MAP3K14: variants seen among roughly 807,000 people sequenced by gnomAD.
MAP3K14 encodes the protein NF-kappa-beta-inducing kinase.
MAP3K14 carries 16 observed loss-of-function variants against 99.2 expected under a neutral mutation model. The ratio of observed to expected loss-of-function variants is 0.16; its 90% CI spans 0.11 to 0.24. MAP3K14 has a LOEUF of 0.24. Among genes scored for constraint, MAP3K14 ranks in the 10% least tolerant of loss-of-function variants. MAP3K14 has a pLI of 1.00. For missense variants in MAP3K14, 784 were observed against 1,208.7 expected (o/e 0.65, Z 5.21); for synonymous variants, 462 against 492.4 (o/e 0.94, Z 0.82).
At chr17:45,297,275 C>T (rs1056599350) in intron 1 of MAP3K14, among the ~76,000 whole-genome samples, 1 of 152,176 alleles carries the variant, frequency 6.6e-6, no homozygotes, top group African/African-American at 2.4e-5. Context: ...AGTATTACTA[C>T]CCATGTGGAT....
chr17:45,311,365 C>A (rs2044477273), intron 1 of MAP3K14, among the ~76,000 whole-genome samples: 1 of 152,182 alleles, frequency 6.6e-6, no homozygotes, highest in South Asian at 2.1e-4. Flanking sequence ...GCAAGAGCTG[C>A]AGCTTCATTA....
At chr17:45,294,029 C>T (rs1054620717) in intron 1 of MAP3K14, among the ~76,000 whole-genome samples, 3 of 152,268 alleles carry the variant, frequency 2.0e-5, no homozygotes, top group Admixed American at 2.0e-4. Context: ...GCCCCTTCTC[C>T]CTCCTGCAGC....
At chr17:45,289,902 C>T (rs556545198) in intron 2 of MAP3K14, among the ~76,000 whole-genome samples, 33 of 152,286 alleles carry the variant, frequency 2.2e-4, no homozygotes, top group African/African-American at 7.2e-4. Flanking sequence ...AGAGGACTCC[C>T]GGCCCTACCC....
chr17:45,266,505 G>C (rs770783454), intron 14 of MAP3K14, 32 bp downstream of exon 14: 3 of 1,580,022 alleles, frequency 1.9e-6, no homozygotes, highest in African/African-American at 1.3e-5. Context: ...GCTGCCACGG[G>C]GACTGCTGAG....
At chr17:45,299,184 G>A (rs536735560) in intron 1 of MAP3K14, among the ~76,000 whole-genome samples, 9 of 152,200 alleles carry the variant, frequency 5.9e-5, no homozygotes, top group Admixed American at 2.6e-4. Context: ...TCAGATGAGT[G>A]AGCGGGGTAT....
chr17:45,274,486 G>A lies in MAP3K14; in HGVS notation c.1398C>T (p.Asn466=), dbSNP rs748710020. 6.2e-7 allele frequency: 1 copy of A among 1,613,964 alleles called. No homozygotes were observed. The highest frequency in any genetic ancestry group is 8.5e-7 in the Non-Finnish European group (1 of 1,179,876). ...TACCTTCCAGCAGCTCCATGAAGAT[G>A]TTGACCCAAGGCCCTTCTCTCACAG... is the stretch of plus-strand genomic sequence containing the variant. ...YGAVREGPWV[N]IFMELLEGGS... The change falls in exon 7 of 16, where the codon AAC becomes AAT. Residue 466 remains asparagine, a synonymous_variant. Transcript: ENST00000344686.
At chr17:45,269,505 G>C (rs1220638784) in intron 11 of MAP3K14, among the ~76,000 whole-genome samples, 1 of 152,216 alleles carries the variant, frequency 6.6e-6, no homozygotes, top group Non-Finnish European at 1.5e-5. Context: ...CCCCTAGGTA[G>C]CTTCAAGATG....
Position 45,267,533 on chromosome 17 carries a change from G to A in MAP3K14, c.2199C>T (p.Ser733=). Residue 733 remains serine, a synonymous_variant, in exon 12 of 16, where the codon AGC becomes AGT. Coordinates refer to ENST00000344686, the MANE Select transcript of MAP3K14 (RefSeq NM_003954.5). This position sits in a 1 kb window ranked among gnomAD's most constrained non-coding sequence, Gnocchi z 5.1. ...GTTCCCACATCCCAGACTCCTCCTTGCTCAAAGTCAAGGGAGGAGACTTGT... is the reference window on the plus strand; with the variant it reads ...GTTCCCACATCCCAGACTCCTCCTTACTCAAAGTCAAGGGAGGAGACTTGT... ...EPNKSPPLTL[S]KEESGMWEPL... is the part of the protein sequence containing the mutation. 6.2e-7 allele frequency: 1 copy of A among 1,613,464 alleles called. No individual in the cohort carries two copies. Among genetic ancestry groups the A allele is most frequent in the Non-Finnish European group, 8.5e-7 (1 of 1,179,600 alleles).
chr17:45,267,085 G>T lies in MAP3K14; in HGVS notation c.2433+7C>A. 6.4e-7 allele frequency: 1 copy of T among 1,568,754 alleles called. No individual in the cohort carries two copies. The highest frequency in any genetic ancestry group is 1.2e-5 in the South Asian group (1 of 85,460). On this transcript the variant is annotated splice_region_variant and intron_variant, in intron 13 of 15. Coordinates refer to ENST00000344686, the MANE Select transcript of MAP3K14 (RefSeq NM_003954.5). This position sits in a 1 kb window ranked among gnomAD's most constrained non-coding sequence, Gnocchi z 5.1. ...GAGCCATGGCTCCGGGGCCACAACC[G>T]ACTCACCTTCTCACTGTCATCCGAC...
In MAP3K14 at chr17:45,286,753, G is replaced by C; in HGVS notation, c.830C>G (p.Pro277Arg). 6.2e-7 allele frequency: 1 copy of C among 1,612,014 alleles called. No individual in the cohort carries two copies. Among genetic ancestry groups the C allele is most frequent in the Non-Finnish European group, 8.5e-7 (1 of 1,179,094 alleles). Residue 277 changes from proline to arginine, a missense_variant, in exon 5 of 16, where the codon CCT becomes CGT. Coordinates refer to ENST00000344686, the MANE Select transcript of MAP3K14 (RefSeq NM_003954.5). The surrounding 1 kb of genome is among the most constrained non-coding windows in gnomAD (Gnocchi z 4.1). ...GCCCAGGAAGGACTCCAGAGGGTGA[G>C]GTTTCCAGGGCTGGAGAGGGTGGAA... ...FPFHPLQPWK[P>R]HPLESFLGKL...
chr17:45,282,559 A>G lies in MAP3K14; in HGVS notation c.1290+2253T>C, dbSNP rs538796100. Reference sequence around the variant, plus strand: ...AACAGAGCGAGATCCTGTCTCAAAAAAAAAAAAAAAAGAAAGAAAAGAAAA... The same window carrying G: ...AACAGAGCGAGATCCTGTCTCAAAAGAAAAAAAAAAAGAAAGAAAAGAAAA... On this transcript the variant is annotated intron_variant, in intron 6 of 15. Transcript: ENST00000344686. 2.9e-3 allele frequency among the ~76,000 whole-genome samples: 436 copies of G among 151,258 alleles called. 2 individuals are homozygous for G. Among genetic ancestry groups the G allele is most frequent in the Non-Finnish European group, 4.2e-3 (283 of 67,762 alleles).
chr17:45,287,385 T>G, intron 3 of MAP3K14, 21 bp from the exon 4 acceptor site: 1 of 1,607,310 alleles, frequency 6.2e-7, no homozygotes. Flanking sequence ...AGGGACAGAT[T>G]TGCATATTGA....
At position 45,286,341 on chromosome 17, in the gene MAP3K14, C is replaced by T; in HGVS notation, c.1152+90G>A. ...CACTGTCCTACTGTTTGATTTGTCACCACAGGCAAGAGTGACTCTGATAAA... is the reference window on the plus strand; with the variant it reads ...CACTGTCCTACTGTTTGATTTGTCATCACAGGCAAGAGTGACTCTGATAAA... On this transcript the variant is annotated intron_variant, in intron 5 of 15. Coordinates refer to ENST00000344686, the MANE Select transcript of MAP3K14 (RefSeq NM_003954.5). The surrounding 1 kb of genome is among the most constrained non-coding windows in gnomAD (Gnocchi z 4.1). 2 of 1,419,066 alleles carry T rather than the reference C, an allele frequency of 1.4e-6. No homozygotes were observed. The highest frequency in any genetic ancestry group is 2.5e-5 in the East Asian group (1 of 40,232). The allele number at this position is 1,419,066 out of a possible 1,614,324, so 87.9% of individuals were successfully genotyped here. A position where few individuals can be genotyped will look rare whatever the true frequency, so the allele number is the denominator to read the frequency against.
chr17:45,292,435 C>T (rs1476852303), intron 1 of MAP3K14, among the ~76,000 whole-genome samples: 2 of 152,108 alleles, frequency 1.3e-5, no homozygotes, highest in African/African-American at 4.8e-5. Context: ...GGGTAGCTGG[C>T]CTGTAGTCCC....
intron 6 of MAP3K14, among the ~76,000 whole-genome samples, chr17:45,278,349 CCCT>C: frequency 6.6e-6 from 1 of 152,288 alleles, no homozygotes; most frequent in South Asian, 2.1e-4. Context: ...GTCTGGCCAC[CCCT>C]CCTCTCTGAA....
intron 1 of MAP3K14, among the ~76,000 whole-genome samples, chr17:45,292,168 T>G (rs551819107): frequency 6.6e-6 from 1 of 152,230 alleles, no homozygotes; most frequent in Non-Finnish European, 1.5e-5. Context: ...AGCTCTGAAC[T>G]TGGAGCAGCT....
rs774893057 is a variant in MAP3K14 at position 45,267,559 on chromosome 17, T to C, written c.2173A>G (p.Asn725Asp). 1 of 1,613,712 alleles carries C rather than the reference T, an allele frequency of 6.2e-7. No individual in the cohort carries two copies. Among genetic ancestry groups the C allele is most frequent in the Non-Finnish European group, 8.5e-7 (1 of 1,179,718 alleles). Residue 725 changes from asparagine (N) to aspartate (D), a missense_variant, in exon 12 of 16, where the codon AAC becomes GAC. By Grantham distance (23) the Asn-to-Asp change is conservative (BLOSUM62 1). Around this residue, in one of 5 missense-constraint regions of MAP3K14, gnomAD observed 128 missense variants for 143.3 expected, o/e 0.89. Transcript: ENST00000344686. This position sits in a 1 kb window ranked among gnomAD's most constrained non-coding sequence, Gnocchi z 5.1. The stretch of plus-strand genomic sequence containing the variant: ...CTCAAAGTCAAGGGAGGAGACTTGT[T>C]TGGCTCTGGGGGCTCTGGTGGGAGA... ...PPLPPEPPEP[N>D]KSPPLTLSKE...
At chr17:45,310,459 T>C (rs866348765) in intron 1 of MAP3K14, among the ~76,000 whole-genome samples, 5 of 152,194 alleles carry the variant, frequency 3.3e-5, no homozygotes, top group Admixed American at 6.5e-5. Context: ...TCTGGCCCAG[T>C]AAAAGGAAAC....
chr17:45,279,535 C>T lies in MAP3K14; in HGVS notation c.1291-4942G>A, dbSNP rs745894926. On this transcript the variant is annotated intron_variant, in intron 6 of 15. Coordinates refer to ENST00000344686, the MANE Select transcript of MAP3K14 (RefSeq NM_003954.5). ...GCAACCTCTGCCTCCCAGGTTCAAG[C>T]GATTCTCCTGCCTCGGCCTCCCGAG... Among the ~76,000 whole-genome samples, 4 of 151,956 alleles carry T rather than the reference C, an allele frequency of 2.6e-5. No homozygotes were observed. The East Asian group carries it at 5.8e-4, about 22-fold the overall frequency.
Sources: gnomAD v4.1 joint callset for allele counts (sites outside exome capture counted in the v4.1 genomes callset) on GRCh38, gnomAD v4.1.1 for gene constraint, gnomAD v4.1.1 regional missense constraint, Gnocchi (gnomAD v3.1) non-coding constraint, MANE v1.5 for transcripts, NCBI Gene and HGNC (gene_info 2026-07-23, HGNC 2026-07-21) for gene names.